The following SYT1 variants were observed in gnomAD, a reference collection of about 807,000 sequenced individuals.
SYT1 encodes synaptotagmin-1.
SYT1 carries 8 observed loss-of-function variants against 44.8 expected under a neutral mutation model. The observed-to-expected ratio is 0.18, with a 90% CI of 0.10 to 0.32. The LOEUF is 0.32. SYT1 is among the 10% of genes least tolerant of loss of function. The probability of loss-of-function intolerance (pLI) is 1.00; values close to 1 mark genes in which losing one functional copy is unlikely to be tolerated. For missense variants in SYT1, 286 were observed against 509.3 expected (o/e 0.56, Z 4.22); for synonymous variants, 154 against 188.8 (o/e 0.82, Z 1.51).
chr12:79,152,783 A>T (rs1216177201), intron 3 of SYT1, among the ~76,000 whole-genome samples: 5 of 151,874 alleles, frequency 3.3e-5, no homozygotes, highest in Admixed American at 3.3e-4. Flanking sequence ...AAGGGGTATT[A>T]TAGAAATTTT....
intron 2 of SYT1, among the ~76,000 whole-genome samples, chr12:79,038,814 C>G (rs1873314623): frequency 6.6e-6 from 1 of 151,878 alleles, no homozygotes; most frequent in Non-Finnish European, 1.5e-5. Context: ...TCTTTAAAGC[C>G]AATCCTAAAT....
chr12:78,968,585 C>T (rs1371067185), intron 1 of SYT1, among the ~76,000 whole-genome samples: 2 of 152,112 alleles, frequency 1.3e-5, no homozygotes, highest in African/African-American at 4.8e-5. Flanking sequence ...TCTTAATTTA[C>T]TCTGAATCTT....
At position 78,885,066 on chromosome 12, in the gene SYT1, C is replaced by T. The variant is rs536854221; in HGVS notation, c.-217+19957C>T. On this transcript the variant is annotated intron_variant, in intron 1 of 10. Coordinates refer to ENST00000261205, the MANE Select transcript of SYT1 (RefSeq NM_005639.3). ...TTTTAGGTCATAGCTGTTAAATGTTCGGGGATTTGGATTTCAATCCACTAG... is the reference window on the plus strand; with the variant it reads ...TTTTAGGTCATAGCTGTTAAATGTTTGGGGATTTGGATTTCAATCCACTAG... Among the ~76,000 whole-genome samples the T allele has an allele frequency of 1.8e-3, 275 of 151,832 alleles. 2 individuals are homozygous for T. The highest frequency in any genetic ancestry group is 6.5e-3 in the African/African-American group (268 of 41,470).
At position 78,908,022 on chromosome 12, in the gene SYT1, G is replaced by T. The variant is rs115543153; in HGVS notation, c.-217+42913G>T. 6.6e-5 allele frequency among the ~76,000 whole-genome samples: 10 copies of T among 152,086 alleles called. No homozygotes were observed. The East Asian group carries it at 1.9e-3, about 29-fold the overall frequency. ...CAGCAGCCGTGTGATCACACTGAAA[G>T]TATGCAAATTTTGGTTTTGCCTAAA... On this transcript the variant is annotated intron_variant, in intron 1 of 10. Transcript: ENST00000261205.
intron 3 of SYT1, among the ~76,000 whole-genome samples, chr12:79,166,543 T>C (rs920955413): frequency 2.0e-5 from 3 of 152,070 alleles, no homozygotes; most frequent in Non-Finnish European, 4.4e-5. Context: ...CTAGGTCATT[T>C]TTAGACCAAA....
At chr12:78,994,815 G>A (rs1213658547) in intron 2 of SYT1, among the ~76,000 whole-genome samples, 2 of 152,030 alleles carry the variant, frequency 1.3e-5, no homozygotes, top group African/African-American at 2.4e-5. Context: ...GATTACAGGC[G>A]TGAGCCACTG....
intron 4 of SYT1, among the ~76,000 whole-genome samples, chr12:79,273,161 G>A (rs1238608880): frequency 6.8e-6 from 1 of 147,026 alleles, no homozygotes; most frequent in Admixed American, 7.0e-5. Flanking sequence ...CTGTTACTCA[G>A]GCTGCAGTGC....
chr12:79,213,059 G>T (rs934000063), intron 3 of SYT1, among the ~76,000 whole-genome samples: 2 of 152,108 alleles, frequency 1.3e-5, no homozygotes, highest in African/African-American at 4.8e-5. Flanking sequence ...TATTTTAGTG[G>T]TTTTTCAAAC....
chr12:79,006,160 G>T (rs1871066797), intron 2 of SYT1, among the ~76,000 whole-genome samples: 1 of 152,108 alleles, frequency 6.6e-6, no homozygotes, highest in Non-Finnish European at 1.5e-5. Context: ...TTCTATTTTA[G>T]CTTAGAGAGG....
intron 9 of SYT1, among the ~76,000 whole-genome samples, chr12:79,419,506 G>C (rs1184681244): frequency 6.6e-6 from 1 of 152,128 alleles, no homozygotes; most frequent in East Asian, 1.9e-4. Context: ...ACATTTCTAA[G>C]CATAGACTTC....
chr12:79,003,243 A>T (rs559291440), intron 2 of SYT1, among the ~76,000 whole-genome samples: 1 of 151,960 alleles, frequency 6.6e-6, no homozygotes, highest in South Asian at 2.1e-4. Flanking sequence ...AAGTGTTTCT[A>T]TCACATGACA....
rs111678164 is a variant in SYT1 at position 78,997,200 on chromosome 12, G to C, written c.-84+19269G>C. ...TCATCCTATATGAACTAGTGAATTA[G>C]CAATAACCAGGAAAGCTGTTCTTAG... On this transcript the variant is annotated intron_variant, in intron 2 of 10. Transcript: ENST00000261205. Among the ~76,000 whole-genome samples, 199 of 152,286 alleles carry C rather than the reference G, an allele frequency of 1.3e-3. 1 individual carries two copies. The highest frequency in any genetic ancestry group is 0.01 in the Middle Eastern group (3 of 294).
At chr12:79,169,839 T>C (rs1749386065) in intron 3 of SYT1, among the ~76,000 whole-genome samples, 1 of 151,982 alleles carries the variant, frequency 6.6e-6, no homozygotes, top group South Asian at 2.1e-4. Context: ...CCTGATCCTC[T>C]CCCTCCTTCA....
intron 1 of SYT1, among the ~76,000 whole-genome samples, chr12:78,956,342 CT>C (rs113766038): frequency 2.0e-5 from 3 of 151,216 alleles, no homozygotes; most frequent in South Asian, 2.1e-4. Flanking sequence ...AGCTCTTCTC[CT>C]TTTTTTTTCC....
chr12:79,179,309 TATATAGATATAG>T (rs1410737065), intron 3 of SYT1, among the ~76,000 whole-genome samples: 1 of 53,618 alleles, frequency 1.9e-5, no homozygotes, highest in East Asian at 3.6e-4. Context: ...TAGATATATC[TATATAGATATAG>T]ATATAGATAT....
intron 4 of SYT1, among the ~76,000 whole-genome samples, chr12:79,275,630 A>T (rs2138787826): frequency 6.6e-6 from 1 of 152,234 alleles, no homozygotes; most frequent in Admixed American, 6.5e-5. Flanking sequence ...TCCCCTGTAA[A>T]GATTTCAATG....
intron 1 of SYT1, among the ~76,000 whole-genome samples, chr12:78,929,409 C>CAAAAAAAAAAAAAAAAAAA (rs10646738): frequency 0.014 from 598 of 43,788 alleles, 284 homozygotes; most frequent in East Asian, 0.03. Context: ...GACTCCGTCC[C>CAAAAAAAAAAAAAAAAAAA]AAAAAAAAAA....
chr12:79,051,537 A>G (rs531693088), intron 3 of SYT1, among the ~76,000 whole-genome samples: 26 of 151,698 alleles, frequency 1.7e-4, no homozygotes, highest in African/African-American at 6.3e-4. Context: ...CAGCGAATCC[A>G]TAGGAAAATG....
chr12:78,942,078 C>T (rs1362005624), intron 1 of SYT1, among the ~76,000 whole-genome samples: 1 of 152,220 alleles, frequency 6.6e-6, no homozygotes, highest in Admixed American at 6.5e-5. Context: ...ATGCCAACCT[C>T]CTCTACTGAC....
Sources: allele counts gnomAD v4.1 joint callset (sites outside exome capture counted in the v4.1 genomes callset), GRCh38; gene constraint gnomAD v4.1.1; transcripts MANE v1.5; gene names NCBI Gene and HGNC (gene_info 2026-07-23, HGNC 2026-07-21).